E2F8: variants seen among roughly 807,000 people sequenced by gnomAD.
E2F8 encodes the protein E2F transcription factor 8.
In E2F8, 35 loss-of-function variants were observed where a neutral mutation model predicts 80.8. The ratio of observed to expected loss-of-function variants is 0.43; its 90% confidence interval spans 0.33 to 0.57. The LOEUF is 0.57. Among genes scored for constraint, E2F8 ranks in the 20% least tolerant of loss-of-function variants. E2F8 has a pLI of 0.04. For synonymous variants in E2F8, 386 were observed against 395.0 expected, an observed-to-expected ratio of 0.98 and a Z score of 0.27; for missense variants, 975 against 1,056.2, an observed-to-expected ratio of 0.92 and a Z score of 1.07.
At chr11:19,230,039 A>G in intron 9 of E2F8, 51 bp from the exon 10 acceptor site, 1 of 1,604,214 alleles carries the variant, frequency 6.2e-7, no homozygotes, top group South Asian at 1.1e-5. Context: ...TTTTTTCTGA[A>G]CTGTTCTACC....
At chr11:19,230,411 G>A in intron 8 of E2F8, 83 bp from the exon 9 acceptor site, 1 of 1,412,908 alleles carries the variant, frequency 7.1e-7, no homozygotes, top group Non-Finnish European at 9.8e-7. Context: ...GAAGTCAGAG[G>A]AACAGAAAGT....
At chr11:19,239,646 T>C (rs1851609529) in intron 2 of E2F8, among the ~76,000 whole-genome samples, 1 of 151,864 alleles carries the variant, frequency 6.6e-6, no homozygotes. Flanking sequence ...TTCCAAGTTG[T>C]TCAAGAATCC....
At chr11:19,241,167 G>A (rs1851654002), upstream of E2F8, among the ~76,000 whole-genome samples, 2 of 152,224 alleles carry the variant, frequency 1.3e-5, no homozygotes, top group South Asian at 2.1e-4. The surrounding 1 kb of genome is among the most constrained non-coding windows in gnomAD (Gnocchi z 4.5). Flanking sequence ...GACCGTGGCC[G>A]GCGCCTCCCC....
rs879253045 is a variant in E2F8 at position 19,225,116 on chromosome 11, C to T, written c.2421+105G>A. On this transcript the variant is annotated intron_variant, in intron 12 of 12. Transcript: ENST00000250024. ...GCCTTCAATCTCCTGACTTTCCCATCCTTTCCCTCTCCAAAGAGGAAAAGC... is the reference window on the plus strand; with the variant it reads ...GCCTTCAATCTCCTGACTTTCCCATTCTTTCCCTCTCCAAAGAGGAAAAGC... 25 of 1,474,624 alleles carry T rather than the reference C, an allele frequency of 1.7e-5. No homozygotes were observed. The South Asian group carries it at 2.6e-4, about 15-fold the overall frequency. The allele number at this position is 1,474,624 out of a possible 1,614,324, so 91.3% of individuals were successfully genotyped here.
In E2F8 at chr11:19,229,601, C is replaced by A. The variant is rs1851319019; in HGVS notation, c.1746G>T (p.Leu582Phe). 1 of 1,614,192 alleles carries A rather than the reference C, an allele frequency of 6.2e-7. No individual in the cohort carries two copies. Among genetic ancestry groups the A allele is most frequent in the African/African-American group, 1.3e-5 (1 of 75,048 alleles). ...CCCCTTGCCTCTCTGGTGCTGGCAG[C>A]AAGCTTCCAGGCCTGGTAGAGGCAC... is the stretch of plus-strand genomic sequence containing the variant. ...KASASTRPGS[L>F]LPAPERQGAK... Residue 582 changes from leucine (L) to phenylalanine (F), a missense_variant, in exon 10 of 13, where the codon TTG (leucine) becomes TTT (phenylalanine). Coordinates refer to ENST00000250024, the MANE Select transcript of E2F8 (RefSeq NM_024680.4). This position sits in a 1 kb window ranked among gnomAD's most constrained non-coding sequence, Gnocchi z 4.3.
chr11:19,230,024 A>G, intron 9 of E2F8, 36 bp from the exon 10 acceptor site: 1 of 1,609,300 alleles, frequency 6.2e-7, no homozygotes, highest in Non-Finnish European at 8.5e-7. Flanking sequence ...CATGATGGAT[A>G]TACATTTTTT....
intron 3 of E2F8, 122 bp from the exon 4 acceptor site, chr11:19,237,592 C>G: frequency 8.6e-7 from 1 of 1,168,360 alleles, no homozygotes; most frequent in Non-Finnish European, 1.2e-6. Context: ...GCTGCAAAGT[C>G]TGGATGGGAG....
In E2F8 at chr11:19,225,377, C is replaced by T. The variant is rs750195203; in HGVS notation, c.2265G>A (p.Gly755=). The T allele has an allele frequency of 6.2e-7, 1 of 1,614,154 alleles. No individual in the cohort carries two copies. The highest frequency in any genetic ancestry group is 8.5e-7 in the Non-Finnish European group (1 of 1,180,028). The change falls in exon 12 of 13, where the codon GGG becomes GGA. Residue 755 remains glycine (G), a synonymous_variant. Coordinates refer to ENST00000250024, the MANE Select transcript of E2F8 (RefSeq NM_024680.4). Reference sequence around the variant, plus strand: ...TTGGAGACACAGGAACGATTCCAGACCCAGGGCTGGCAGACAACTGCACAT... The same window carrying T: ...TTGGAGACACAGGAACGATTCCAGATCCAGGGCTGGCAGACAACTGCACAT... ...SPNVQLSASP[G]SGIVPVSPRI... is the part of the protein sequence containing the mutation.
chr11:19,229,613 C>T lies in E2F8; in HGVS notation c.1734G>A (p.Arg578=), dbSNP rs374395103. The T allele has an allele frequency of 6.2e-7, 1 of 1,614,056 alleles. No homozygotes were observed. The highest frequency in any genetic ancestry group is 8.5e-7 in the Non-Finnish European group (1 of 1,180,044). Residue 578 remains arginine (R), a synonymous_variant, in exon 10 of 13, where the codon AGG becomes AGA. Transcript: ENST00000250024. This position sits in a 1 kb window ranked among gnomAD's most constrained non-coding sequence, Gnocchi z 4.3. The stretch of plus-strand genomic sequence containing the variant: ...CTGGTGCTGGCAGCAAGCTTCCAGG[C>T]CTGGTAGAGGCACTGGCCTTTGAGG... ...NDTSKASAST[R]PGSLLPAPER...
At position 19,237,878 on chromosome 11, in the gene E2F8, T is replaced by C; in HGVS notation, c.270A>G (p.Leu90=). The part of the protein sequence containing the change: ...KRGLFDNRSG[L]PEAKDCIHEH... ...CGTGTATACAGTCTTTGGCCTCAGG[T>C]AATCCACTTCTGTTGTCAAACAAAC... The change falls in exon 3 of 13, where the codon TTA becomes TTG. Residue 90 remains leucine, a synonymous_variant. Coordinates refer to ENST00000250024, the MANE Select transcript of E2F8 (RefSeq NM_024680.4). The C allele has an allele frequency of 1.9e-6, 3 of 1,613,936 alleles. No homozygotes were observed. Among genetic ancestry groups the C allele is most frequent in the East Asian group, 4.5e-5 (2 of 44,852 alleles).
chr11:19,225,614 A>G lies in E2F8; in HGVS notation c.2028T>C (p.Gly676=). 1 of 1,612,552 alleles carries G rather than the reference A, an allele frequency of 6.2e-7. No individual in the cohort carries two copies. Among genetic ancestry groups the G allele is most frequent in the Non-Finnish European group, 8.5e-7 (1 of 1,178,670 alleles). ...GTTCAGATGATGTCACTGGAATAAC[A>G]CCTGGAAGGAAAAGGGGGAAGATAT... ...NHRIYSSPIA[G]VIPVTSSELT... is the part of the protein sequence containing the mutation. The change falls in exon 12 of 13, where the codon GGT becomes GGC. Residue 676 remains glycine (G), a splice_region_variant and synonymous_variant. Coordinates refer to ENST00000250024, the MANE Select transcript of E2F8 (RefSeq NM_024680.4).
chr11:19,229,294 G>A lies in E2F8; in HGVS notation c.1893+160C>T, dbSNP rs183173680. On this transcript the variant is annotated intron_variant, in intron 10 of 12. Coordinates refer to ENST00000250024, the MANE Select transcript of E2F8 (RefSeq NM_024680.4). The surrounding 1 kb of genome is among the most constrained non-coding windows in gnomAD (Gnocchi z 4.3). ...AATGTCCCTGCCTTCATCCCAGCCA[G>A]GGGATTAGCTGTTGAGGGCCTCACT... Among the ~76,000 whole-genome samples the A allele has an allele frequency of 3.9e-5, 6 of 152,324 alleles. No homozygotes were observed. In the East Asian group the frequency reaches 9.6e-4, roughly 24 times the overall value.
At chr11:19,228,679 A>G (rs1851296089) in intron 10 of E2F8, among the ~76,000 whole-genome samples, 2 of 152,376 alleles carry the variant, frequency 1.3e-5, no homozygotes, top group South Asian at 4.1e-4. Context: ...GAGCAGGGGC[A>G]AAATGAGAGA....
In E2F8 at chr11:19,234,963, G is replaced by A. The variant is rs562160670; in HGVS notation, c.547C>T (p.Arg183Ter). ...CCAAGGGTTTTGTTGAGATTGTGTC[G>A]CCCGTGCCAAGTGTACCTGTTTTTG... ...LAKNRYTWHG[R>*]HNLNKTLGTL... is the part of the protein sequence containing the mutation. The change falls in exon 5 of 13, where the codon CGA (arginine) becomes TGA (stop). Residue 183 changes from arginine to a stop codon, truncating the protein, a stop_gained. Transcript: ENST00000250024. LOFTEE classifies it high-confidence loss of function. The A allele has an allele frequency of 1.9e-6, 3 of 1,614,080 alleles. No individual in the cohort carries two copies. The highest frequency in any genetic ancestry group is 2.5e-6 in the Non-Finnish European group (3 of 1,180,016).
rs768158208 is a variant in E2F8 at position 19,237,365 on chromosome 11, T to C, written c.400A>G (p.Asn134Asp). 1.9e-6 allele frequency: 3 copies of C among 1,614,060 alleles called. No homozygotes were observed. Among genetic ancestry groups the C allele is most frequent in the Non-Finnish European group, 2.5e-6 (3 of 1,180,034 alleles). The change falls in exon 4 of 13, where the codon AAC becomes GAC. Residue 134 changes from asparagine (N) to aspartate (D), a missense_variant. Coordinates refer to ENST00000250024, the MANE Select transcript of E2F8 (RefSeq NM_024680.4). ...CAGATGTCATTATTCACAGCAGGGT[T>C]GGGATAATTAGGATATCGTGCTAAG... is the stretch of plus-strand genomic sequence containing the variant. The part of the protein sequence containing the change: ...KFLARYPNYP[N>D]PAVNNDICLD...
At chr11:19,235,167 T>C in intron 4 of E2F8, 109 bp from the exon 5 acceptor site, 1 of 988,834 alleles carries the variant, frequency 1.0e-6, no homozygotes, top group Admixed American at 2.9e-5. Flanking sequence ...TAATATCACT[T>C]TCCTAACTGT....
At chr11:19,240,975 C>G (rs746750615), upstream of E2F8, 1 of 152,648 alleles carries the variant, frequency 6.6e-6, no homozygotes, top group South Asian at 2.1e-4. Flanking sequence ...GCCAAAGGCC[C>G]CTCCCCCAGG....
Position 19,232,299 on chromosome 11 carries a change from G to A in E2F8, c.1001C>T (p.Thr334Ile), listed in dbSNP as rs1321549179. The A allele has an allele frequency of 1.2e-6, 2 of 1,614,038 alleles. No homozygotes were observed. Among genetic ancestry groups the A allele is most frequent in the African/African-American group, 1.3e-5 (1 of 74,920 alleles). Residue 334 changes from threonine to isoleucine, a missense_variant, in exon 7 of 13, where the codon ACA (threonine) becomes ATA (isoleucine). Physicochemically the swap from Thr to Ile is moderately conservative, Grantham distance 89. Transcript: ENST00000250024. Reference sequence around the variant, plus strand: ...AGCTGGTTTTCGGCCTCTTTCCTCTGTAACATGAACTTTCTTGATAAGATC... The same window carrying A: ...AGCTGGTTTTCGGCCTCTTTCCTCTATAACATGAACTTTCTTGATAAGATC... Reference protein sequence around the residue: ...SLDLIKKVHVTEERGRKPAFK... With the variant: ...SLDLIKKVHVIEERGRKPAFK...
chr11:19,235,489 A>G (rs1037486954), intron 4 of E2F8, among the ~76,000 whole-genome samples: 5 of 152,212 alleles, frequency 3.3e-5, no homozygotes, highest in Admixed American at 1.3e-4. Flanking sequence ...TCTACTAAAA[A>G]TACAAAAAAA....
Sources: allele counts gnomAD v4.1 joint callset (sites outside exome capture counted in the v4.1 genomes callset), GRCh38; gene constraint gnomAD v4.1.1; non-coding constraint Gnocchi (gnomAD v3.1); transcripts MANE v1.5; gene names NCBI Gene and HGNC (gene_info 2026-07-23, HGNC 2026-07-21).